SLC7A2: variants seen among roughly 807,000 people sequenced by gnomAD.
The protein encoded by SLC7A2 is cationic amino acid transporter 2.
A neutral mutation model predicts 58.9 loss-of-function variants in SLC7A2; 48 were observed. The ratio of observed to expected loss-of-function variants is 0.82; its 90% CI spans 0.65 to 1.04. The LOEUF is 1.04. Among genes scored for constraint, SLC7A2 ranks in the 50% least tolerant of loss-of-function variants. The probability of loss-of-function intolerance (pLI) is 0.00; values close to 1 mark genes in which losing one functional copy is unlikely to be tolerated. For synonymous variants in SLC7A2, 363 were observed against 314.5 expected, an observed-to-expected ratio of 1.15 and a Z score of -1.63; for missense variants, 1,029 against 818.8, an observed-to-expected ratio of 1.26 and a Z score of -3.13.
intron 1 of SLC7A2, chr8:17,499,287 C>T (rs1293604392): frequency 1.3e-5 from 2 of 150,492 alleles, no homozygotes; most frequent in African/African-American, 4.9e-5. Flanking sequence ...CCTCTCTATC[C>T]CTCTTTCCCC....
chr8:17,543,648 C>T lies in SLC7A2; in HGVS notation c.309C>T (p.Thr103=), dbSNP rs1802023991. Residue 103 remains threonine, a synonymous_variant, in exon 3 of 13, where the codon ACC becomes ACT. Transcript: ENST00000494857. ...AGACGGGGTCTGCATATTTGTACAC[C>T]TACGTGACTGTCGGAGAGCTGTGGG... ...VPKTGSAYLY[T]YVTVGELWAF... 1 of 1,555,468 alleles carries T rather than the reference C, an allele frequency of 6.4e-7. No individual in the cohort carries two copies. Among genetic ancestry groups the T allele is most frequent in the Non-Finnish European group, 8.7e-7 (1 of 1,152,554 alleles).
At chr8:17,545,254 G>A (rs1005964256) in intron 4 of SLC7A2, among the ~76,000 whole-genome samples, 6 of 152,076 alleles carry the variant, frequency 3.9e-5, no homozygotes, top group African/African-American at 1.4e-4. Context: ...TCCCTCACTC[G>A]TACATAAAAT....
At chr8:17,516,584 A>G (rs1800813152) in intron 2 of SLC7A2, among the ~76,000 whole-genome samples, 1 of 152,340 alleles carries the variant, frequency 6.6e-6, no homozygotes, top group South Asian at 2.1e-4. Flanking sequence ...CCAAAGACAC[A>G]TGGGTGGTAA....
chr8:17,549,547 A>G (rs1407568375), intron 5 of SLC7A2, among the ~76,000 whole-genome samples: 5 of 152,192 alleles, frequency 3.3e-5, no homozygotes, highest in African/African-American at 9.6e-5. Context: ...AACAATGAGT[A>G]TTTTTGAGTC....
At position 17,543,392 on chromosome 8, in the gene SLC7A2, A is replaced by G; in HGVS notation, c.53A>G (p.Lys18Arg). Residue 18 changes from lysine to arginine, a missense_variant, in exon 3 of 13, where the codon AAA becomes AGA. Lys to Arg is a conservative substitution (Grantham distance 26). Transcript: ENST00000494857. ...TTTGCCCGATGTCTGATCCGGAGAA[A>G]AATCGTGACCCTGGACAGTCTAGAA... The part of the protein sequence containing the change: ...LTFARCLIRR[K>R]IVTLDSLEDT... 1 of 1,614,096 alleles carries G rather than the reference A, an allele frequency of 6.2e-7. No homozygotes were observed. Among genetic ancestry groups the G allele is most frequent in the Non-Finnish European group, 8.5e-7 (1 of 1,180,004 alleles).
chr8:17,523,922 A>G (rs1370541249), intron 2 of SLC7A2, among the ~76,000 whole-genome samples: 1 of 151,988 alleles, frequency 6.6e-6, no homozygotes, highest in Non-Finnish European at 1.5e-5. Context: ...GCAAGAAAAA[A>G]AAATGAAAAA....
intron 2 of SLC7A2, among the ~76,000 whole-genome samples, chr8:17,507,632 T>C (rs766893494): frequency 1.3e-5 from 2 of 152,214 alleles, no homozygotes; most frequent in South Asian, 4.1e-4. Flanking sequence ...TATATACATA[T>C]TGAAATATTC....
Position 17,558,540 on chromosome 8 carries a change from A to G in SLC7A2, c.1298+143A>G. ...CACATCTAACAAAATAGCAATGAAA[A>G]GTGGAAGAAGCGTATCTGGTCTTTA... On this transcript the variant is annotated intron_variant, in intron 9 of 12. Transcript: ENST00000494857. 5.7e-6 allele frequency: 3 copies of G among 522,358 alleles called. No individual in the cohort carries two copies. The East Asian group carries it at 9.1e-5, about 16-fold the overall frequency. The allele number at this position is 522,358 out of a possible 1,614,324, so 32.4% of individuals were successfully genotyped here.
At chr8:17,543,210 ACACACAAAC>A in intron 2 of SLC7A2, 99 bp from the exon 3 acceptor site, 3 of 990,054 alleles carry the variant, frequency 3.0e-6, no homozygotes, top group African/African-American at 1.6e-5. Context: ...ACACACACAC[ACACACAAAC>A]ACACACACAC....
chr8:17,548,600 C>G (rs1046891204), intron 4 of SLC7A2, 78 bp from the exon 5 acceptor site: 1 of 1,016,024 alleles, frequency 9.8e-7, no homozygotes, highest in African/African-American at 1.6e-5. Flanking sequence ...AAATAATATC[C>G]TAAAGTCATG....
Position 17,566,351 on chromosome 8 carries a change from C to T in SLC7A2, c.*1205C>T, listed in dbSNP as rs144729091. On this transcript the variant is annotated 3_prime_UTR_variant, in exon 13 of 13. Coordinates refer to ENST00000494857, the MANE Select transcript of SLC7A2 (RefSeq NM_001370338.1). ...GAAAATCCCCCTGTTCTGATAGGAA[C>T]GGCCTGTTCCATTGTTAAATGGCAA... 2 of 152,256 alleles carry T rather than the reference C, an allele frequency of 1.3e-5. No individual in the cohort carries two copies. The highest frequency in any genetic ancestry group is 3.9e-4 in the East Asian group (2 of 5,168). 9.4% of individuals were successfully genotyped at this position (152,256 alleles called of 1,614,324 possible).
intron 2 of SLC7A2, among the ~76,000 whole-genome samples, chr8:17,540,526 G>A (rs913491335): frequency 6.6e-6 from 1 of 151,860 alleles, no homozygotes; most frequent in African/African-American, 2.4e-5. Flanking sequence ...AAAAAAAATA[G>A]GACAGAAGCA....
At chr8:17,564,540 C>T (rs1332784442) in intron 12 of SLC7A2, among the ~76,000 whole-genome samples, 1 of 152,084 alleles carries the variant, frequency 6.6e-6, no homozygotes, top group Non-Finnish European at 1.5e-5. Flanking sequence ...TTTCCATGGA[C>T]AGGGTGGGGG....
chr8:17,500,265 T>C (rs1800101286), intron 1 of SLC7A2: 1 of 152,272 alleles, frequency 6.6e-6, no homozygotes, highest in Admixed American at 6.5e-5. Context: ...ATGAAGGCGA[T>C]GCTACTATTT....
At chr8:17,559,561 T>A (rs10107764) in intron 9 of SLC7A2, among the ~76,000 whole-genome samples, 1 of 151,914 alleles carries the variant, frequency 6.6e-6, no homozygotes, top group Non-Finnish European at 1.5e-5. Context: ...AGCGAAACTC[T>A]GTCTCAAAAA....
intron 2 of SLC7A2, among the ~76,000 whole-genome samples, chr8:17,539,675 T>A (rs968013825): frequency 6.6e-6 from 1 of 152,154 alleles, no homozygotes; most frequent in African/African-American, 2.4e-5. Flanking sequence ...ATTGTTCTTA[T>A]ACTACATGCG....
upstream of SLC7A2, chr8:17,497,057 G>C (rs1437301347): frequency 2.0e-5 from 3 of 150,862 alleles, no homozygotes; most frequent in African/African-American, 7.3e-5. Flanking sequence ...GCCCCGGGTG[G>C]CTACACAGAG....
chr8:17,544,917 A>G (rs1802093424), intron 4 of SLC7A2, among the ~76,000 whole-genome samples: 1 of 152,226 alleles, frequency 6.6e-6, no homozygotes, highest in Non-Finnish European at 1.5e-5. Flanking sequence ...TGGTTTCAGT[A>G]AGGAAGAATG....
At chr8:17,533,940 G>A (rs542090204) in intron 2 of SLC7A2, among the ~76,000 whole-genome samples, 1 of 152,144 alleles carries the variant, frequency 6.6e-6, no homozygotes, top group South Asian at 2.1e-4. Context: ...ACAGGCCCCA[G>A]TGTGTGTTGT....
Sources: gnomAD v4.1 joint callset for allele counts (sites outside exome capture counted in the v4.1 genomes callset) on GRCh38, gnomAD v4.1.1 for gene constraint, MANE v1.5 for transcripts, NCBI Gene and HGNC (gene_info 2026-07-23, HGNC 2026-07-21) for gene names.